Variants in CADPS observed in about 807,000 individuals in gnomAD.
CADPS encodes the protein calcium dependent secretion activator.
A neutral mutation model predicts 167.3 loss-of-function variants in CADPS; 57 were observed. The ratio of observed to expected loss-of-function variants is 0.34; its 90% CI spans 0.28 to 0.42. The LOEUF (loss-of-function observed/expected upper bound fraction) is 0.42, where lower values mean the gene tolerates loss of function less well. Ranked by LOEUF, CADPS falls within the 20% of genes least tolerant of loss-of-function variation. The pLI, the probability that CADPS is intolerant of heterozygous loss-of-function variation, is 1.00. For synonymous variants in CADPS, 676 were observed against 635.3 expected (o/e 1.06, Z -0.96); for missense variants, 1,414 against 1,738.1 (o/e 0.81, Z 3.32).
chr3:62,695,169 T>A (rs993483007), intron 3 of CADPS, among the ~76,000 whole-genome samples: 1 of 152,078 alleles, frequency 6.6e-6, no homozygotes, highest in Admixed American at 6.6e-5. Context: ...ATAGATGTGA[T>A]GATTGCTGAG....
intron 11 of CADPS, among the ~76,000 whole-genome samples, chr3:62,538,903 C>A (rs749707147): frequency 6.6e-6 from 1 of 152,154 alleles, no homozygotes; most frequent in Admixed American, 6.6e-5. Context: ...GACCCACTCC[C>A]CACCCCTCAG....
intron 3 of CADPS, among the ~76,000 whole-genome samples, chr3:62,743,922 T>C (rs1239269992): frequency 6.6e-6 from 1 of 152,184 alleles, no homozygotes; most frequent in African/African-American, 2.4e-5. Flanking sequence ...ATCTACCACC[T>C]TCCTAGAGTC....
At chr3:62,572,500 A>G (rs1169610783) in intron 8 of CADPS, among the ~76,000 whole-genome samples, 1 of 152,078 alleles carries the variant, frequency 6.6e-6, no homozygotes, top group Admixed American at 6.6e-5. Context: ...TGCCTTTTCC[A>G]AGCTAAAATT....
At chr3:62,666,327 C>T (rs943250558) in intron 3 of CADPS, among the ~76,000 whole-genome samples, 8 of 152,088 alleles carry the variant, frequency 5.3e-5, no homozygotes, top group Non-Finnish European at 1.0e-4. Flanking sequence ...GCCATCCTCG[C>T]GTGAGGAGCT....
intron 18 of CADPS, among the ~76,000 whole-genome samples, chr3:62,497,160 G>A (rs1030775813): frequency 3.3e-5 from 5 of 152,182 alleles, no homozygotes; most frequent in African/African-American, 1.2e-4. Flanking sequence ...GCCTTGTTTA[G>A]CATATAAGCC....
chr3:62,825,425 A>C lies in CADPS; in HGVS notation c.441+49164T>G, dbSNP rs901174656. Reference sequence around the variant, plus strand: ...AGAAAGGCAAATGATCAGGCCTTACATCAGACCTACTAACTCTGAAACTCC... The same window carrying C: ...AGAAAGGCAAATGATCAGGCCTTACCTCAGACCTACTAACTCTGAAACTCC... On this transcript the variant is annotated intron_variant, in intron 1 of 29. Coordinates refer to ENST00000383710, the MANE Select transcript of CADPS (RefSeq NM_003716.4). Among the ~76,000 whole-genome samples the C allele has an allele frequency of 6.6e-5, 10 of 152,302 alleles. No homozygotes were observed. The East Asian group carries it at 1.9e-3, about 29-fold the overall frequency.
intron 28 of CADPS, among the ~76,000 whole-genome samples, chr3:62,431,737 T>C (rs1055731329): frequency 2.0e-5 from 3 of 151,900 alleles, no homozygotes; most frequent in African/African-American, 7.3e-5. Context: ...TAAAGAATAT[T>C]TTGGGGACAA....
At chr3:62,400,365 C>T (rs757585425) in intron 29 of CADPS, among the ~76,000 whole-genome samples, 1 of 152,068 alleles carries the variant, frequency 6.6e-6, no homozygotes, top group Non-Finnish European at 1.5e-5. Context: ...TTCTAGAAAT[C>T]CTTCAGTGTT....
At chr3:62,494,630 AG>A (rs1204965728) in intron 18 of CADPS, among the ~76,000 whole-genome samples, 4 of 151,438 alleles carry the variant, frequency 2.6e-5, no homozygotes, top group Admixed American at 1.3e-4. Context: ...TGCAATTAAA[AG>A]TTTATTAACC....
intron 26 of CADPS, among the ~76,000 whole-genome samples, chr3:62,461,718 C>G (rs77955291): frequency 0.013 from 1,968 of 152,286 alleles, 39 homozygotes; most frequent in African/African-American, 0.043. Context: ...TGCAGAGAGA[C>G]CTTGCCTGAG....
intron 28 of CADPS, among the ~76,000 whole-genome samples, chr3:62,422,946 T>C (rs528591739): frequency 5.3e-5 from 8 of 152,328 alleles, no homozygotes; most frequent in Admixed American, 3.9e-4. Context: ...GTCTGGGATG[T>C]AATGCTATTG....
intron 3 of CADPS, among the ~76,000 whole-genome samples, chr3:62,690,188 GC>G (rs1204439695): frequency 6.6e-6 from 1 of 151,970 alleles, no homozygotes; most frequent in African/African-American, 2.4e-5. Context: ...CTGATTGGCA[GC>G]TGCCCCTGTT....
intron 9 of CADPS, among the ~76,000 whole-genome samples, chr3:62,562,119 T>C (rs1187447928): frequency 2.0e-5 from 3 of 152,084 alleles, no homozygotes; most frequent in Non-Finnish European, 4.4e-5. Context: ...AGCTTGGAGA[T>C]TTGGTCTAGA....
intron 24 of CADPS, among the ~76,000 whole-genome samples, chr3:62,469,005 A>G (rs930195077): frequency 6.6e-6 from 1 of 152,208 alleles, no homozygotes; most frequent in Non-Finnish European, 1.5e-5. Flanking sequence ...TACTACTACT[A>G]TGATTAATAG....
chr3:62,550,695 C>A (rs2077181438), intron 10 of CADPS: 15 of 414,462 alleles, frequency 3.6e-5, no homozygotes, highest in South Asian at 2.4e-4. Context: ...TCTCTCCCCT[C>A]CTTTTCTGCC....
chr3:62,531,285 A>G (rs1173716270), intron 13 of CADPS, among the ~76,000 whole-genome samples: 1 of 152,094 alleles, frequency 6.6e-6, no homozygotes, highest in Non-Finnish European at 1.5e-5. Flanking sequence ...ATAGTCATCA[A>G]AGTGTACATA....
At chr3:62,621,759 G>T (rs2063207024) in intron 6 of CADPS, among the ~76,000 whole-genome samples, 1 of 151,844 alleles carries the variant, frequency 6.6e-6, no homozygotes, top group Non-Finnish European at 1.5e-5. Context: ...CCCTCCGATA[G>T]GCCCCAGTGT....
At chr3:62,606,770 C>T (rs1042177259) in intron 6 of CADPS, among the ~76,000 whole-genome samples, 3 of 152,206 alleles carry the variant, frequency 2.0e-5, no homozygotes, top group Non-Finnish European at 4.4e-5. Flanking sequence ...GCTTTTTCTC[C>T]TGTGTCTTTG....
chr3:62,530,957 A>G (rs192025485), intron 13 of CADPS: 9 of 201,304 alleles, frequency 4.5e-5, no homozygotes, highest in East Asian at 1.8e-4. Context: ...AACTAAAATA[A>G]TAAGAAAAAA....
Sources: gnomAD v4.1 joint callset for allele counts (sites outside exome capture counted in the v4.1 genomes callset) on GRCh38, gnomAD v4.1.1 for gene constraint, MANE v1.5 for transcripts, NCBI Gene and HGNC (gene_info 2026-07-23, HGNC 2026-07-21) for gene names.